DOK6: variants seen among roughly 807,000 people sequenced by gnomAD.
DOK6 encodes the protein downstream of tyrosine kinase 6.
DOK6 carries 22 observed loss-of-function variants against 44.0 expected under a neutral mutation model. That is an observed-to-expected ratio of 0.50 (90% confidence interval 0.36 to 0.71). The LOEUF is 0.71. Ranked by LOEUF, DOK6 falls within the 30% of genes least tolerant of loss-of-function variation. The pLI is 0.00. For synonymous variants in DOK6, 166 were observed against 145.5 expected (o/e 1.14, Z -1.01); for missense variants, 340 against 416.4 (o/e 0.82, Z 1.60).
intron 6 of DOK6, among the ~76,000 whole-genome samples, chr18:69,755,329 AAG>A (rs1055682434): frequency 3.3e-5 from 5 of 152,212 alleles, no homozygotes; most frequent in South Asian, 2.1e-4. Context: ...GAATAAAAAA[AAG>A]AGAAGAAAAA....
intron 2 of DOK6, among the ~76,000 whole-genome samples, chr18:69,589,586 A>C (rs1983579663): frequency 6.6e-6 from 1 of 152,152 alleles, no homozygotes; most frequent in Non-Finnish European, 1.5e-5. Flanking sequence ...GAAAAGAGGC[A>C]CATTAAAGCT....
intron 5 of DOK6, among the ~76,000 whole-genome samples, chr18:69,735,139 A>G (rs1488464670): frequency 6.6e-6 from 1 of 152,216 alleles, no homozygotes; most frequent in African/African-American, 2.4e-5. Context: ...AACATAACAG[A>G]TAAGTCTGAC....
chr18:69,449,091 T>C (rs1168277887), intron 1 of DOK6, among the ~76,000 whole-genome samples: 2 of 152,260 alleles, frequency 1.3e-5, no homozygotes, highest in Non-Finnish European at 2.9e-5. Context: ...TCGCTCTCTT[T>C]AGTAATTGAT....
intron 7 of DOK6, among the ~76,000 whole-genome samples, chr18:69,815,112 G>A (rs892491271): frequency 3.3e-5 from 5 of 152,100 alleles, no homozygotes; most frequent in Non-Finnish European, 4.4e-5. Context: ...GATCAGGGGA[G>A]TCAACACACT....
chr18:69,466,450 T>G (rs1282255382), intron 1 of DOK6, among the ~76,000 whole-genome samples: 1 of 152,194 alleles, frequency 6.6e-6, no homozygotes, highest in Non-Finnish European at 1.5e-5. Context: ...ATCTTGGCTA[T>G]TGTCAATAAT....
At chr18:69,636,489 A>T (rs1984812304) in intron 3 of DOK6, among the ~76,000 whole-genome samples, 1 of 152,202 alleles carries the variant, frequency 6.6e-6, no homozygotes, top group Admixed American at 6.5e-5. Flanking sequence ...GGCATGGCTC[A>T]CAAATAGTTA....
chr18:69,599,314 A>G, intron 2 of DOK6, 70 bp from the exon 3 acceptor site: 1 of 1,055,898 alleles, frequency 9.5e-7, no homozygotes, highest in East Asian at 2.6e-5. Flanking sequence ...ATAACTTATC[A>G]TTTTGTTTCA....
intron 7 of DOK6, among the ~76,000 whole-genome samples, chr18:69,806,569 G>T (rs1466260464): frequency 6.6e-6 from 1 of 151,840 alleles, no homozygotes; most frequent in East Asian, 1.9e-4. Flanking sequence ...TGCAGCTTCT[G>T]TCCTGACTAG....
At chr18:69,768,543 C>T (rs1303231681) in intron 7 of DOK6, among the ~76,000 whole-genome samples, 1 of 151,198 alleles carries the variant, frequency 6.6e-6, no homozygotes, top group African/African-American at 2.4e-5. Flanking sequence ...GGCCCTTCAA[C>T]TAAATGTTCC....
intron 1 of DOK6, among the ~76,000 whole-genome samples, chr18:69,540,300 C>T (rs1233623787): frequency 6.6e-6 from 1 of 152,156 alleles, no homozygotes; most frequent in African/African-American, 2.4e-5. Context: ...ATTCTGATTA[C>T]TCATCTGCCA....
At chr18:69,496,758 C>T (rs1453233517) in intron 1 of DOK6, among the ~76,000 whole-genome samples, 1 of 152,142 alleles carries the variant, frequency 6.6e-6, no homozygotes, top group Non-Finnish European at 1.5e-5. Flanking sequence ...TATCATATCA[C>T]ATTGTAGTTA....
At chr18:69,707,727 G>C (rs182274928) in intron 5 of DOK6, among the ~76,000 whole-genome samples, 1 of 152,168 alleles carries the variant, frequency 6.6e-6, no homozygotes, top group African/African-American at 2.4e-5. Context: ...TGTCCCTTCT[G>C]TTCATAGCCC....
chr18:69,722,893 A>G (rs1157366070), intron 5 of DOK6, among the ~76,000 whole-genome samples: 1 of 152,200 alleles, frequency 6.6e-6, no homozygotes, highest in African/African-American at 2.4e-5. Flanking sequence ...CAATAACTCA[A>G]AAATACTAAA....
intron 1 of DOK6, among the ~76,000 whole-genome samples, chr18:69,540,740 G>C (rs1442662): frequency 0.11 from 16,858 of 151,936 alleles, 1,876 homozygotes; most frequent in African/African-American, 0.29. Flanking sequence ...ACTTATCTTA[G>C]TGAAATTAAT....
At chr18:69,786,221 A>T (rs1403330417) in intron 7 of DOK6, among the ~76,000 whole-genome samples, 1 of 152,218 alleles carries the variant, frequency 6.6e-6, no homozygotes, top group African/African-American at 2.4e-5. Context: ...TCTGAGGCCT[A>T]TATTCTCAGA....
At chr18:69,741,278 A>G (rs1201570663) in intron 6 of DOK6, among the ~76,000 whole-genome samples, 1 of 152,228 alleles carries the variant, frequency 6.6e-6, no homozygotes, top group Admixed American at 6.5e-5. Flanking sequence ...TAATTCAGAA[A>G]TAATTTCCAA....
At chr18:69,487,501 G>A (rs1349567939) in intron 1 of DOK6, among the ~76,000 whole-genome samples, 1 of 152,110 alleles carries the variant, frequency 6.6e-6, no homozygotes, top group Non-Finnish European at 1.5e-5. Context: ...ATACTTTGAT[G>A]TGAGTGGATT....
chr18:69,484,173 A>G (rs1395109532), intron 1 of DOK6, among the ~76,000 whole-genome samples: 1 of 152,018 alleles, frequency 6.6e-6, no homozygotes, highest in African/African-American at 2.4e-5. Context: ...TAAATGTTCA[A>G]TAGGTCTCTA....
intron 6 of DOK6, among the ~76,000 whole-genome samples, chr18:69,742,614 T>A (rs1978843645): frequency 6.6e-6 from 1 of 152,160 alleles, no homozygotes; most frequent in Non-Finnish European, 1.5e-5. Context: ...TATTGGTTTA[T>A]TAACCATTCA....
Sources: gnomAD v4.1 joint callset for allele counts (sites outside exome capture counted in the v4.1 genomes callset) on GRCh38, gnomAD v4.1.1 for gene constraint, MANE v1.5 for transcripts, NCBI Gene and HGNC (gene_info 2026-07-23, HGNC 2026-07-21) for gene names.